The following ACKR2 variants were observed in gnomAD, a reference collection of about 807,000 sequenced individuals.
ACKR2 encodes the protein C-C chemokine receptor D6.
For missense variants in ACKR2, 457 were observed against 477.3 expected, an observed-to-expected ratio of 0.96 and a Z score of 0.40; for synonymous variants, 207 against 192.2, an observed-to-expected ratio of 1.08 and a Z score of -0.64.
chr3:42,828,524 A>G (rs1486200533), intron 2 of ACKR2, among the ~76,000 whole-genome samples: 1 of 152,188 alleles, frequency 6.6e-6, no homozygotes, highest in Non-Finnish European at 1.5e-5. Context: ...AAAAGTGGCA[A>G]CATCTTGTTT....
rs1701166121 is a variant in ACKR2 at position 42,852,026 on chromosome 3, G to C, written c.-37-12440G>C. On this transcript the variant is annotated intron_variant, in intron 2 of 2. Transcript: ENST00000422265. The surrounding 1 kb of genome is among the most constrained non-coding windows in gnomAD (Gnocchi z 4.3). ...TTAATCAGCGAGTTTATTCATTTTA[G>C]GGGCTGGAAGAGAACCAATAGTATA... Among the ~76,000 whole-genome samples the C allele has an allele frequency of 6.6e-6, 1 of 152,158 alleles. No individual in the cohort carries two copies. Among genetic ancestry groups the C allele is most frequent in the African/African-American group, 2.4e-5 (1 of 41,438 alleles).
chr3:42,817,889 C>A (rs1198916289), intron 1 of ACKR2, among the ~76,000 whole-genome samples: 1 of 152,218 alleles, frequency 6.6e-6, no homozygotes, highest in Non-Finnish European at 1.5e-5. Flanking sequence ...TCTCATTCTC[C>A]TTCCAGTCTG....
intron 2 of ACKR2, among the ~76,000 whole-genome samples, chr3:42,837,563 G>C (rs1276655496): frequency 6.6e-6 from 1 of 152,124 alleles, no homozygotes; most frequent in Non-Finnish European, 1.5e-5. Context: ...GTGTATTCCA[G>C]CTCCAGCAGA....
intron 2 of ACKR2, among the ~76,000 whole-genome samples, chr3:42,851,743 C>T (rs1196680714): frequency 6.6e-6 from 1 of 152,178 alleles, no homozygotes; most frequent in Non-Finnish European, 1.5e-5. Flanking sequence ...GCTGGGGGAG[C>T]TCAGGCATTC....
intron 2 of ACKR2, among the ~76,000 whole-genome samples, chr3:42,829,737 C>T (rs1027566897): frequency 6.6e-6 from 1 of 152,182 alleles, no homozygotes; most frequent in African/African-American, 2.4e-5. Context: ...CTTGCATCTG[C>T]ACTCTGTCCT....
intron 2 of ACKR2, among the ~76,000 whole-genome samples, chr3:42,827,273 G>A (rs1575378485): frequency 6.6e-6 from 1 of 152,188 alleles, no homozygotes; most frequent in East Asian, 1.9e-4. Flanking sequence ...CATTCTTTGA[G>A]TCACAGGTCC....
At chr3:42,810,810 G>T (rs149373546) in intron 1 of ACKR2, among the ~76,000 whole-genome samples, 1 of 152,184 alleles carries the variant, frequency 6.6e-6, no homozygotes, top group South Asian at 2.1e-4. Flanking sequence ...TCCTTTGTTC[G>T]AGTGTTCAAT....
chr3:42,865,003 A>AGTATG lies in ACKR2; in HGVS notation c.503_507dup (p.Ala170TyrfsTer50). On this transcript the variant is annotated frameshift_variant, in exon 3 of 3. Coordinates refer to ENST00000422265, the MANE Select transcript of ACKR2 (RefSeq NM_001296.5). LOFTEE classifies it low-confidence loss of function (END_TRUNC). Reference sequence around the variant, plus strand: ...CCAAGAGCCTGCTCCTTGCTACCATAGTATGGGCTGTGTCCCTGGCCGTCT... The same window carrying AGTATG: ...CCAAGAGCCTGCTCCTTGCTACCATAGTATGGTATGGGCTGTGTCCCTGGCCGTCT... 1 of 1,614,122 alleles carries AGTATG rather than the reference A, an allele frequency of 6.2e-7. No individual in the cohort carries two copies. The highest frequency in any genetic ancestry group is 1.3e-5 in the African/African-American group (1 of 75,030).
chr3:42,865,446 C>G lies in ACKR2; in HGVS notation c.944C>G (p.Ser315Cys), dbSNP rs754045457. The change falls in exon 3 of 3, where the codon TCC becomes TGC. Residue 315 changes from serine (S) to cysteine (C), a missense_variant. Transcript: ENST00000422265. ...CCFSPILYAF[S>C]SHRFRQYLKA... ...TTTTCCCCCATCCTGTATGCCTTCTCCAGTCACCGCTTCCGCCAGTACCTG... is the reference window on the plus strand; with the variant it reads ...TTTTCCCCCATCCTGTATGCCTTCTGCAGTCACCGCTTCCGCCAGTACCTG... The G allele has an allele frequency of 1.3e-5, 21 of 1,614,076 alleles. No individual in the cohort carries two copies. The highest frequency in any genetic ancestry group is 1.7e-5 in the Admixed American group (1 of 59,998).
At position 42,863,146 on chromosome 3, in the gene ACKR2, TAAAC is replaced by T. The variant is rs1182181774; in HGVS notation, c.-37-1316_-37-1313del. 8.5e-5 allele frequency among the ~76,000 whole-genome samples: 13 copies of T among 152,074 alleles called. No homozygotes were observed. In the East Asian group the frequency reaches 2.5e-3, roughly 29 times the overall value. Reference sequence around the variant, plus strand: ...TAATATCCAGAATCTACAAAGAACTTAAACAAATTTACAAGAAGAAAACAACCCC... The same window carrying T: ...TAATATCCAGAATCTACAAAGAACTTAAATTTACAAGAAGAAAACAACCCC... On this transcript the variant is annotated intron_variant, in intron 2 of 2. Transcript: ENST00000422265.
At chr3:42,813,518 C>T (rs1700715599) in intron 1 of ACKR2, among the ~76,000 whole-genome samples, 1 of 152,108 alleles carries the variant, frequency 6.6e-6, no homozygotes, top group Non-Finnish European at 1.5e-5. Flanking sequence ...CAGGAGAAAG[C>T]AAGTGAAGGA....
intron 2 of ACKR2, among the ~76,000 whole-genome samples, chr3:42,831,094 T>C (rs1700927847): frequency 6.6e-6 from 1 of 151,932 alleles, no homozygotes; most frequent in Non-Finnish European, 1.5e-5. Context: ...CGTGGCCAGA[T>C]GGAGCCAGAG....
At chr3:42,827,030 A>G (rs112978281) in intron 2 of ACKR2, among the ~76,000 whole-genome samples, 1 of 152,096 alleles carries the variant, frequency 6.6e-6, no homozygotes, top group African/African-American at 2.4e-5. Context: ...GAATTCCCCA[A>G]ATTTTTCCTT....
intron 2 of ACKR2, among the ~76,000 whole-genome samples, chr3:42,860,881 A>C (rs2088378198): frequency 6.6e-6 from 1 of 152,232 alleles, no homozygotes; most frequent in African/African-American, 2.4e-5. Flanking sequence ...AGGGAAATTT[A>C]TAGCACTAAA....
At chr3:42,818,176 C>A (rs539713402) in intron 1 of ACKR2, among the ~76,000 whole-genome samples, 1 of 152,294 alleles carries the variant, frequency 6.6e-6, no homozygotes, top group South Asian at 2.1e-4. Context: ...CATAAATGAG[C>A]CGTGTTAACC....
At chr3:42,859,381 ATTT>A (rs1209301411) in intron 2 of ACKR2, among the ~76,000 whole-genome samples, 1 of 141,450 alleles carries the variant, frequency 7.1e-6, no homozygotes. Flanking sequence ...TTCAACATTC[ATTT>A]TTTTTTTTTT....
intron 2 of ACKR2, among the ~76,000 whole-genome samples, chr3:42,863,075 T>G (rs560840248): frequency 2.6e-5 from 4 of 152,294 alleles, no homozygotes; most frequent in Non-Finnish European, 5.9e-5. Context: ...ACAGACAACC[T>G]ATAGAATGGG....
chr3:42,812,870 G>A (rs1273385256), intron 1 of ACKR2, among the ~76,000 whole-genome samples: 1 of 151,632 alleles, frequency 6.6e-6, no homozygotes, highest in South Asian at 2.1e-4. Flanking sequence ...TGTATTTTTA[G>A]TAGAGACAGG....
At chr3:42,827,801 G>C (rs945235886) in intron 2 of ACKR2, among the ~76,000 whole-genome samples, 1 of 152,112 alleles carries the variant, frequency 6.6e-6, no homozygotes, top group Non-Finnish European at 1.5e-5. Context: ...AGCCCTCAGG[G>C]TTTCTGATTT....
Sources: gnomAD v4.1 joint callset for allele counts (sites outside exome capture counted in the v4.1 genomes callset) on GRCh38, gnomAD v4.1.1 for gene constraint, Gnocchi (gnomAD v3.1) non-coding constraint, MANE v1.5 for transcripts, NCBI Gene and HGNC (gene_info 2026-07-23, HGNC 2026-07-21) for gene names.